CPA5: variants seen among roughly 807,000 people sequenced by gnomAD.
CPA5 encodes the protein carboxypeptidase A5, also known as testicular tissue protein Li 32.
In CPA5, 38 loss-of-function variants were observed where a neutral mutation model predicts 52.2. The observed-to-expected ratio is 0.73, with a 90% CI of 0.56 to 0.95. The LOEUF is 0.95. Among genes scored for constraint, CPA5 ranks in the 40% least tolerant of loss-of-function variants. CPA5 has a pLI of 0.00. For missense variants in CPA5, 519 were observed against 566.7 expected (o/e 0.92, Z 0.86); for synonymous variants, 198 against 213.7 (o/e 0.93, Z 0.64).
At chr7:130,365,683 T>C (rs1796039938) in intron 10 of CPA5, among the ~76,000 whole-genome samples, 6 of 152,258 alleles carry the variant, frequency 3.9e-5, no homozygotes. Context: ...TAGTTTATTC[T>C]GCTTAGCTCA....
chr7:130,370,912 C>A (rs150547232), downstream of CPA5, among the ~76,000 whole-genome samples: 2 of 152,170 alleles, frequency 1.3e-5, no homozygotes, highest in Admixed American at 6.5e-5. Context: ...TCCAGTCTTC[C>A]GGGGGGAGTT....
At chr7:130,355,112 G>T (rs1371142930) in intron 5 of CPA5, among the ~76,000 whole-genome samples, 6 of 152,144 alleles carry the variant, frequency 3.9e-5, no homozygotes, top group Non-Finnish European at 8.8e-5. Context: ...CCCCATGAAA[G>T]TCAGGTGCTG....
intron 7 of CPA5, among the ~76,000 whole-genome samples, chr7:130,361,644 C>T (rs1236029873): frequency 1.3e-5 from 2 of 152,090 alleles, no homozygotes; most frequent in African/African-American, 4.8e-5. Context: ...CTTAGACAGC[C>T]CTACAGACAT....
chr7:130,361,321 G>A (rs868946051), intron 7 of CPA5, 77 bp downstream of exon 7: 2 of 1,019,006 alleles, frequency 2.0e-6, no homozygotes, highest in Admixed American at 1.9e-5. Context: ...ATGGGGTAGT[G>A]GCTGGGCGGG....
chr7:130,363,254 T>C (rs1795892425), intron 9 of CPA5, among the ~76,000 whole-genome samples, 165 bp from the exon 10 acceptor site: 1 of 152,174 alleles, frequency 6.6e-6, no homozygotes, highest in Non-Finnish European at 1.5e-5. Context: ...CTGAGCTGCA[T>C]CTTTGGCCCA....
At chr7:130,362,571 A>G in intron 8 of CPA5, 32 bp downstream of exon 8, 1 of 1,492,940 alleles carries the variant, frequency 6.7e-7, no homozygotes, top group Non-Finnish European at 9.3e-7. Context: ...AGGTGCACCC[A>G]CGATGGGGGC....
chr7:130,347,521 C>T (rs1295649543), intron 3 of CPA5, among the ~76,000 whole-genome samples: 1 of 152,186 alleles, frequency 6.6e-6, no homozygotes, highest in Non-Finnish European at 1.5e-5. Context: ...TATTTAGCCC[C>T]CGGGGTGGTC....
At chr7:130,366,566 C>A (rs2117458437) in intron 10 of CPA5, among the ~76,000 whole-genome samples, 1 of 152,316 alleles carries the variant, frequency 6.6e-6, no homozygotes, top group African/African-American at 2.4e-5. Context: ...TCTCCCTCAT[C>A]TTAAGTCCCC....
Position 130,347,839 on chromosome 7 carries a change from C to G in CPA5, c.190C>G (p.Pro64Ala). 6.2e-7 allele frequency: 1 copy of G among 1,613,846 alleles called. No individual in the cohort carries two copies. The highest frequency in any genetic ancestry group is 8.5e-7 in the Non-Finnish European group (1 of 1,179,830). ...TCTCGGGGATCTGGAGGGCCTGAAA[C>G]CCCAGAAGGTGAGGACTCCTCAGGC... ...SLLGDLEGLK[P>A]QKVDFWRGPA... Residue 64 changes from proline to alanine, a missense_variant, in exon 4 of 13, where the codon CCC becomes GCC. Coordinates refer to ENST00000474905, the MANE Select transcript of CPA5 (RefSeq NM_080385.5).
intron 5 of CPA5, among the ~76,000 whole-genome samples, chr7:130,358,567 A>G (rs564153858): frequency 6.6e-6 from 1 of 152,252 alleles, no homozygotes; most frequent in African/African-American, 2.4e-5. Flanking sequence ...AGTTATCAGC[A>G]AGACTTAGTT....
chr7:130,367,199 C>T lies in CPA5; in HGVS notation c.839-173C>T, dbSNP rs117097628. 7.9e-4 allele frequency among the ~76,000 whole-genome samples: 120 copies of T among 152,212 alleles called. No individual in the cohort carries two copies. The East Asian group carries it at 0.023, about 29-fold the overall frequency. On this transcript the variant is annotated intron_variant, in intron 10 of 12. Transcript: ENST00000474905. The stretch of plus-strand genomic sequence containing the variant: ...ACACTTGCTCTTAACAATCTCAACC[C>T]AGAAGTGCCGTGTCATTTCTGCTCA...
chr7:130,353,352 C>A (rs1371769933), intron 5 of CPA5, among the ~76,000 whole-genome samples: 1 of 152,200 alleles, frequency 6.6e-6, no homozygotes, highest in African/African-American at 2.4e-5. Context: ...TCCAACAGCA[C>A]AACTGGTCAC....
chr7:130,359,672 CCA>C lies in CPA5; in HGVS notation c.421_422del (p.Thr141ProfsTer6). On this transcript the variant is annotated frameshift_variant, in exon 6 of 13. Coordinates refer to ENST00000474905, the MANE Select transcript of CPA5 (RefSeq NM_080385.5). LOFTEE classifies it high-confidence loss of function. ...STNSFSYSSY[H>X]TLEEIYSWID... ...CCAACAGCTTCAGTTACTCATCATA[CCA>C]CACCCTGGAGGAGGTAGGTCTGGCC... 6.3e-7 allele frequency: 1 copy of C among 1,584,268 alleles called. No homozygotes were observed.
chr7:130,373,979 C>T, the CPA5 span, among the ~76,000 whole-genome samples: 1 of 152,066 alleles, frequency 6.6e-6, no homozygotes, highest in South Asian at 2.1e-4. Context: ...TTTGTCCTTC[C>T]GGACGCCGCC....
At chr7:130,369,891 G>A (rs1562964303), downstream of CPA5, among the ~76,000 whole-genome samples, 1 of 152,260 alleles carries the variant, frequency 6.6e-6, no homozygotes, top group African/African-American at 2.4e-5. Flanking sequence ...GCCTGTGAAA[G>A]GAGATAGTGC....
chr7:130,346,662 A>G, intron 3 of CPA5, 61 bp downstream of exon 3: 1 of 1,412,232 alleles, frequency 7.1e-7, no homozygotes, highest in Non-Finnish European at 1.0e-6. Context: ...TGGGTGTCCC[A>G]GCAGGAGGTG....
intron 4 of CPA5, 30 bp from the exon 5 acceptor site, chr7:130,349,945 G>T: frequency 2.5e-6 from 4 of 1,603,498 alleles, no homozygotes; most frequent in Non-Finnish European, 3.4e-6. Flanking sequence ...ATGGAGTAAT[G>T]CAGCTCTCTC....
intron 6 of CPA5, among the ~76,000 whole-genome samples, chr7:130,360,846 T>C (rs920120163): frequency 6.6e-6 from 1 of 152,230 alleles, no homozygotes; most frequent in Non-Finnish European, 1.5e-5. Flanking sequence ...GAGAGCCATG[T>C]GGGTCAAGCC....
downstream of CPA5, among the ~76,000 whole-genome samples, chr7:130,370,735 G>C (rs1433578080): frequency 6.6e-6 from 1 of 152,178 alleles, no homozygotes; most frequent in African/African-American, 2.4e-5. Flanking sequence ...AGCAGAATCC[G>C]TGGAGACTTG....
Sources: allele counts gnomAD v4.1 joint callset (sites outside exome capture counted in the v4.1 genomes callset), GRCh38; gene constraint gnomAD v4.1.1; transcripts MANE v1.5; gene names NCBI Gene and HGNC (gene_info 2026-07-23, HGNC 2026-07-21).